The following CD163L1 variants were observed in gnomAD, a reference collection of about 807,000 sequenced individuals.
The protein encoded by CD163L1 is CD163 molecule like 1.
A neutral mutation model predicts 165.4 loss-of-function variants in CD163L1; 124 were observed. The ratio of observed to expected loss-of-function variants is 0.75; its 90% CI spans 0.65 to 0.87. CD163L1 has a LOEUF of 0.87. Ranked by LOEUF, CD163L1 falls within the 40% of genes least tolerant of loss-of-function variation. The pLI is 0.00. For synonymous variants in CD163L1, 585 were observed against 662.2 expected (o/e 0.88, Z 1.79); for missense variants, 1,525 against 1,799.9 (o/e 0.85, Z 2.76).
At chr12:7,340,788 A>C in the CD163L1 span, among the ~76,000 whole-genome samples, 635 of 152,344 alleles carry the variant, frequency 4.2e-3, 5 homozygotes, top group African/African-American at 0.014. Flanking sequence ...GTAAATGACC[A>C]AGAGCATTTC....
chr12:7,418,198 A>G lies in CD163L1; in HGVS notation c.767-11346T>C, dbSNP rs1948283829. Among the ~76,000 whole-genome samples, 3 of 152,130 alleles carry G rather than the reference A, an allele frequency of 2.0e-5. No homozygotes were observed. The South Asian group carries it at 6.2e-4, about 32-fold the overall frequency. ...ATATCAAGTACACTCTCACACCACAATGGAAGAAAATTGGAAATCAACCCC... is the reference window on the plus strand; with the variant it reads ...ATATCAAGTACACTCTCACACCACAGTGGAAGAAAATTGGAAATCAACCCC... On this transcript the variant is annotated intron_variant, in intron 4 of 19. Transcript: ENST00000313599.
chr12:7,318,957 G>A, the CD163L1 span, among the ~76,000 whole-genome samples: 1 of 152,154 alleles, frequency 6.6e-6, no homozygotes, highest in South Asian at 2.1e-4. Context: ...ATTTTCCCAT[G>A]GACTAGGGGG....
intron 4 of CD163L1, among the ~76,000 whole-genome samples, chr12:7,431,169 T>C (rs978336695): frequency 6.6e-6 from 1 of 152,080 alleles, no homozygotes; most frequent in Admixed American, 6.5e-5. Flanking sequence ...ACGGCTGTAA[T>C]CCCTGCACTT....
intron 4 of CD163L1, among the ~76,000 whole-genome samples, chr12:7,427,214 A>G (rs1207344392): frequency 6.6e-6 from 1 of 152,170 alleles, no homozygotes; most frequent in Non-Finnish European, 1.5e-5. Context: ...ACAGACATAT[A>G]TGTAACATTC....
At chr12:7,407,650 TAC>T (rs994978875) in intron 4 of CD163L1, among the ~76,000 whole-genome samples, 3 of 151,294 alleles carry the variant, frequency 2.0e-5, no homozygotes, top group South Asian at 2.1e-4. Flanking sequence ...GATATATATA[TAC>T]ACACACACAC....
chr12:7,324,943 C>T, the CD163L1 span, among the ~76,000 whole-genome samples: 1 of 152,096 alleles, frequency 6.6e-6, no homozygotes, highest in Non-Finnish European at 1.5e-5. Context: ...ACTTTTGGCT[C>T]TGCTATTCTT....
At chr12:7,370,518 G>A (rs1398398770) in intron 14 of CD163L1, among the ~76,000 whole-genome samples, 1 of 152,156 alleles carries the variant, frequency 6.6e-6, no homozygotes, top group Non-Finnish European at 1.5e-5. Context: ...TATAGGAAAA[G>A]TTACAGTTTC....
chr12:7,419,949 T>G (rs985837928), intron 4 of CD163L1, among the ~76,000 whole-genome samples: 1 of 151,960 alleles, frequency 6.6e-6, no homozygotes, highest in African/African-American at 2.4e-5. Context: ...TCACATAACT[T>G]CACTTCAAAC....
chr12:7,322,491 A>G, the CD163L1 span: 1 of 1,613,906 alleles, frequency 6.2e-7, no homozygotes, highest in Non-Finnish European at 8.5e-7. Flanking sequence ...GGAGCAGTGG[A>G]GGGTGCAAAC....
rs1057081255 is a variant in CD163L1 at position 7,347,230 on chromosome 12, T to A, written c.*25-83A>T. 1 of 152,218 alleles carries A rather than the reference T, an allele frequency of 6.6e-6. No individual in the cohort carries two copies. The highest frequency in any genetic ancestry group is 1.9e-4 in the East Asian group (1 of 5,198). The allele number at this position is 152,218 out of a possible 1,614,324, so 9.4% of individuals were successfully genotyped here. A position where few individuals can be genotyped will look rare whatever the true frequency, so the allele number is the denominator to read the frequency against. ...TGCAATAGCTTTCAGTTCATTTCTC[T>A]AAAATTGTGTTTACTTAAGTTTACA... On this transcript the variant is annotated intron_variant, in intron 4 of 4. Coordinates refer to the CD163L1 transcript ENST00000539726. This position sits in a 1 kb window ranked among gnomAD's most constrained non-coding sequence, Gnocchi z 4.2.
downstream of CD163L1, among the ~76,000 whole-genome samples, chr12:7,350,118 T>C (rs557308294): frequency 1.9e-3 from 297 of 152,308 alleles, 1 homozygote; most frequent in Non-Finnish European, 3.2e-3. Context: ...ACTCATTTCT[T>C]GAGCAAATAA....
chr12:7,405,826 A>G (rs1255196218), intron 5 of CD163L1, among the ~76,000 whole-genome samples: 1 of 152,188 alleles, frequency 6.6e-6, no homozygotes, highest in Non-Finnish European at 1.5e-5. Context: ...CTCCTTTCGT[A>G]AGAATATTAG....
chr12:7,340,175 C>A, the CD163L1 span, among the ~76,000 whole-genome samples: 1 of 152,108 alleles, frequency 6.6e-6, no homozygotes, highest in Non-Finnish European at 1.5e-5. Context: ...CCTATAGATA[C>A]CCTGAAGAGG....
intron 4 of CD163L1, among the ~76,000 whole-genome samples, chr12:7,408,678 G>T (rs752405534): frequency 6.6e-6 from 1 of 152,172 alleles, no homozygotes; most frequent in Non-Finnish European, 1.5e-5. Context: ...TCAGGAAATA[G>T]ATTCCCAGAA....
intron 4 of CD163L1, among the ~76,000 whole-genome samples, chr12:7,421,458 T>TATATACATATATATAC (rs1948395692): frequency 1.1e-5 from 1 of 91,864 alleles, no homozygotes; most frequent in African/African-American, 5.4e-5. Flanking sequence ...TATATGTACA[T>TATATACATATATATAC]ATATACATAT....
chr12:7,349,147 A>G (rs781486197), intron 4 of CD163L1, among the ~76,000 whole-genome samples: 14 of 152,230 alleles, frequency 9.2e-5, no homozygotes, highest in Non-Finnish European at 1.5e-4. Context: ...AGCTTGTGGA[A>G]ATCCAGAAAT....
At position 7,383,302 on chromosome 12, in the gene CD163L1, G is replaced by A. The variant is rs138205433; in HGVS notation, c.2051-4004C>T. Among the ~76,000 whole-genome samples the A allele has an allele frequency of 9.9e-5, 15 of 152,212 alleles. No homozygotes were observed. The East Asian group carries it at 2.9e-3, about 29-fold the overall frequency. On this transcript the variant is annotated intron_variant, in intron 8 of 19. Coordinates refer to ENST00000313599, the MANE Select transcript of CD163L1 (RefSeq NM_174941.6). The stretch of plus-strand genomic sequence containing the variant: ...CACTACCTCCAGCACCCACCTACAT[G>A]TGCCACCTGGGGGCCTGGAGAATTG...
intron 4 of CD163L1, among the ~76,000 whole-genome samples, chr12:7,348,813 GT>G (rs11459242): frequency 0.063 from 8,935 of 142,922 alleles, 378 homozygotes; most frequent in East Asian, 0.17. Context: ...TCCTTGTTAT[GT>G]TTTTTTTTTT....
At chr12:7,421,338 C>A in intron 4 of CD163L1, among the ~76,000 whole-genome samples, 1 of 86,136 alleles carries the variant, frequency 1.2e-5, no homozygotes, top group Admixed American at 1.4e-4. Context: ...GTATATATAT[C>A]TTCCAAATGT....
Sources: gnomAD v4.1 joint callset for allele counts (sites outside exome capture counted in the v4.1 genomes callset) on GRCh38, gnomAD v4.1.1 for gene constraint, Gnocchi (gnomAD v3.1) non-coding constraint, MANE v1.5 for transcripts, NCBI Gene and HGNC (gene_info 2026-07-23, HGNC 2026-07-21) for gene names.